The following CALD1 variants were observed in gnomAD, a reference collection of about 807,000 sequenced individuals.
CALD1 encodes caldesmon 1.
A neutral mutation model predicts 99.9 loss-of-function variants in CALD1; 33 were observed. The ratio of observed to expected loss-of-function variants is 0.33; its 90% CI spans 0.25 to 0.44. CALD1 has a LOEUF of 0.44. Ranked by LOEUF, CALD1 falls within the 20% of genes least tolerant of loss-of-function variation. The pLI is 1.00. For missense variants in CALD1, 861 were observed against 962.1 expected (o/e 0.89, Z 1.39); for synonymous variants, 310 against 325.0 (o/e 0.95, Z 0.50).
intron 3 of CALD1, among the ~76,000 whole-genome samples, chr7:134,910,550 C>T (rs1051207694): frequency 8.5e-5 from 13 of 152,184 alleles, no homozygotes; most frequent in South Asian, 2.1e-4. Flanking sequence ...GGTAAAAAGG[C>T]ATGTGCTGGA....
At chr7:134,847,566 C>T (rs1386906706) in intron 2 of CALD1, among the ~76,000 whole-genome samples, 1 of 152,218 alleles carries the variant, frequency 6.6e-6, no homozygotes, top group Non-Finnish European at 1.5e-5. Context: ...CACGAGGTCA[C>T]AGGTCCCATG....
At chr7:134,794,875 T>G (rs1797689085) in intron 1 of CALD1, among the ~76,000 whole-genome samples, 1 of 152,250 alleles carries the variant, frequency 6.6e-6, no homozygotes, top group Non-Finnish European at 1.5e-5. Context: ...CACAGTCATC[T>G]GCAACTTATG....
At chr7:134,937,896 A>C (rs1418580697) in intron 6 of CALD1, among the ~76,000 whole-genome samples, 1 of 152,154 alleles carries the variant, frequency 6.6e-6, no homozygotes, top group Non-Finnish European at 1.5e-5. Context: ...TCTCCTCTCC[A>C]ATCATAAAAA....
intron 3 of CALD1, among the ~76,000 whole-genome samples, chr7:134,887,380 G>C (rs1801904913): frequency 6.6e-6 from 1 of 152,174 alleles, no homozygotes; most frequent in Admixed American, 6.5e-5. Context: ...GTTCACCTTG[G>C]GGTGGGGGAA....
chr7:134,726,114 G>T, the CALD1 span, among the ~76,000 whole-genome samples: 12 of 151,710 alleles, frequency 7.9e-5, no homozygotes, highest in Admixed American at 3.3e-4. Context: ...ATACTTATAG[G>T]AATACACCAT....
At chr7:134,949,262 T>C (rs1039857629) in intron 8 of CALD1, among the ~76,000 whole-genome samples, 3 of 152,152 alleles carry the variant, frequency 2.0e-5, no homozygotes, top group African/African-American at 7.2e-5. Flanking sequence ...TGGGCTAAAC[T>C]ACCAAACACA....
upstream of CALD1, among the ~76,000 whole-genome samples, chr7:134,774,954 G>A (rs751040783): frequency 6.6e-6 from 1 of 152,094 alleles, no homozygotes; most frequent in African/African-American, 2.4e-5. Context: ...GTGATCTGCC[G>A]TGTTTAACCA....
chr7:134,806,294 G>A (rs902609064), intron 1 of CALD1, among the ~76,000 whole-genome samples: 2 of 151,988 alleles, frequency 1.3e-5, no homozygotes, highest in Non-Finnish European at 2.9e-5. Context: ...CCCACAAAAA[G>A]GGGTTTTTCT....
intron 3 of CALD1, chr7:134,891,621 A>C: frequency 1.9e-6 from 3 of 1,609,016 alleles, no homozygotes; most frequent in South Asian, 1.1e-5. Flanking sequence ...AACTGCGGAC[A>C]TGCTGGGTGG....
intron 1 of CALD1, among the ~76,000 whole-genome samples, chr7:134,815,414 G>C (rs574305630): frequency 6.6e-6 from 1 of 152,256 alleles, no homozygotes; most frequent in Non-Finnish European, 1.5e-5. Context: ...CCCAGTCCCA[G>C]TGCCTCCTGG....
chr7:134,797,129 GC>G (rs1209763442), intron 1 of CALD1, among the ~76,000 whole-genome samples: 2 of 151,976 alleles, frequency 1.3e-5, no homozygotes, highest in African/African-American at 4.8e-5. Flanking sequence ...AGTAGCTGGG[GC>G]TACCACACTT....
At chr7:134,881,194 T>C (rs1586187816) in intron 3 of CALD1, among the ~76,000 whole-genome samples, 1 of 152,008 alleles carries the variant, frequency 6.6e-6, no homozygotes, top group Non-Finnish European at 1.5e-5. Context: ...TGAAAGGGGG[T>C]TGGAAGCCCA....
chr7:134,804,998 T>A (rs1249693343), intron 1 of CALD1, among the ~76,000 whole-genome samples: 1 of 152,064 alleles, frequency 6.6e-6, no homozygotes, highest in Non-Finnish European at 1.5e-5. Flanking sequence ...GGCCAGTGAG[T>A]TGGGAGTGCT....
intron 7 of CALD1, chr7:134,944,626 A>T (rs1806716946): frequency 6.6e-6 from 1 of 152,156 alleles, no homozygotes; most frequent in Non-Finnish European, 1.5e-5. Flanking sequence ...GAAACACTGT[A>T]CCATTCTTTA....
At chr7:134,897,171 T>A (rs866193692) in intron 3 of CALD1, among the ~76,000 whole-genome samples, 1 of 152,286 alleles carries the variant, frequency 6.6e-6, no homozygotes, top group Middle Eastern at 3.4e-3. Flanking sequence ...GGGTTTCGCA[T>A]TCTAGTGAAT....
intron 2 of CALD1, among the ~76,000 whole-genome samples, chr7:134,856,983 C>T (rs900880789): frequency 6.6e-6 from 1 of 152,010 alleles, no homozygotes; most frequent in Non-Finnish European, 1.5e-5. Flanking sequence ...TGAGGGATCA[C>T]GAAAGACAGT....
chr7:134,952,739 G>C (rs561995546), intron 9 of CALD1, among the ~76,000 whole-genome samples: 1 of 152,162 alleles, frequency 6.6e-6, no homozygotes, highest in South Asian at 2.1e-4. Flanking sequence ...AAAGTGCTGG[G>C]ATTACACGCA....
intron 14 of CALD1, among the ~76,000 whole-genome samples, chr7:134,965,764 A>G (rs1231700000): frequency 6.6e-6 from 1 of 151,900 alleles, no homozygotes; most frequent in East Asian, 1.9e-4. Context: ...AGTGTTTCCA[A>G]AACTGCTTTC....
upstream of CALD1, among the ~76,000 whole-genome samples, chr7:134,777,713 G>A (rs1284624690): frequency 6.6e-6 from 1 of 152,132 alleles, no homozygotes; most frequent in Non-Finnish European, 1.5e-5. Flanking sequence ...CACCCGGAAC[G>A]TCTCTGGACA....
Sources: allele counts gnomAD v4.1 joint callset (sites outside exome capture counted in the v4.1 genomes callset), GRCh38; gene constraint gnomAD v4.1.1; transcripts MANE v1.5; gene names NCBI Gene and HGNC (gene_info 2026-07-23, HGNC 2026-07-21).